Variants in PEX5L observed in about 807,000 individuals in gnomAD.
PEX5L encodes the protein PEX5-related protein.
A neutral mutation model predicts 84.0 loss-of-function variants in PEX5L; 30 were observed. The observed-to-expected ratio is 0.36, with a 90% CI of 0.27 to 0.48. PEX5L has a LOEUF of 0.48. Ranked by LOEUF, PEX5L falls within the 20% of genes least tolerant of loss-of-function variation. The probability of loss-of-function intolerance (pLI) is 0.99; values close to 1 mark genes in which losing one functional copy is unlikely to be tolerated. For missense variants in PEX5L, 533 were observed against 754.6 expected, an observed-to-expected ratio of 0.71 and a Z score of 3.44; for synonymous variants, 270 against 283.1, an observed-to-expected ratio of 0.95 and a Z score of 0.46.
At chr3:180,020,609 T>C (rs1012112229) in intron 1 of PEX5L, among the ~76,000 whole-genome samples, 1 of 152,168 alleles carries the variant, frequency 6.6e-6, no homozygotes, top group Admixed American at 6.6e-5. Context: ...CCAAGTCATA[T>C]ACAAGTTAGA....
chr3:180,036,270 C>G (rs1012899556), intron 1 of PEX5L, among the ~76,000 whole-genome samples: 1 of 152,156 alleles, frequency 6.6e-6, no homozygotes, highest in Non-Finnish European at 1.5e-5. Context: ...AGGATTACAA[C>G]GGAAACACGG....
At chr3:179,998,335 T>G (rs1213910565) in intron 1 of PEX5L, among the ~76,000 whole-genome samples, 1 of 151,958 alleles carries the variant, frequency 6.6e-6, no homozygotes, top group African/African-American at 2.4e-5. Context: ...CAGTTTGGAG[T>G]GGGGTCCAGA....
chr3:180,021,922 T>G (rs1790460607), intron 1 of PEX5L, among the ~76,000 whole-genome samples: 1 of 152,198 alleles, frequency 6.6e-6, no homozygotes. Flanking sequence ...ATAACAATTT[T>G]GGACAAATGA....
intron 8 of PEX5L, among the ~76,000 whole-genome samples, chr3:179,849,674 G>T (rs1169443222): frequency 3.9e-5 from 6 of 152,168 alleles, no homozygotes; most frequent in East Asian, 1.9e-4. Context: ...AAAAGTTATT[G>T]TCCTGGACAT....
intron 1 of PEX5L, among the ~76,000 whole-genome samples, chr3:179,975,958 C>A (rs1358563675): frequency 1.3e-5 from 2 of 152,186 alleles, no homozygotes; most frequent in Non-Finnish European, 2.9e-5. Context: ...GATCCAGTCA[C>A]CCATTTGGAT....
At chr3:179,826,631 G>A (rs1487456412) in intron 8 of PEX5L, among the ~76,000 whole-genome samples, 4 of 152,102 alleles carry the variant, frequency 2.6e-5, no homozygotes, top group Admixed American at 2.6e-4. Context: ...AGAGGGTCTT[G>A]GGGTTTGAAT....
At chr3:179,820,306 G>A (rs1330801721) in intron 8 of PEX5L, 1 of 258,104 alleles carries the variant, frequency 3.9e-6, no homozygotes, top group Non-Finnish European at 7.4e-6. Flanking sequence ...GTCTCTCCCA[G>A]AATTGCTCCT....
At chr3:179,850,562 A>G (rs1217211715) in intron 8 of PEX5L, among the ~76,000 whole-genome samples, 1 of 152,218 alleles carries the variant, frequency 6.6e-6, no homozygotes, top group African/African-American at 2.4e-5. Context: ...AAATCTAATC[A>G]ATGTGAGAGC....
At chr3:180,019,703 G>T (rs961530159) in intron 1 of PEX5L, among the ~76,000 whole-genome samples, 1 of 152,134 alleles carries the variant, frequency 6.6e-6, no homozygotes, top group African/African-American at 2.4e-5. Context: ...AAAGGAAACA[G>T]AAATACTTCC....
intron 1 of PEX5L, among the ~76,000 whole-genome samples, chr3:180,034,541 G>A (rs1851353): frequency 0.38 from 57,341 of 151,512 alleles, 13,554 homozygotes; most frequent in African/African-American, 0.68. Context: ...AGTATATTAT[G>A]AATCAATCTG....
chr3:180,011,935 CACTG>C (rs1264646076), intron 1 of PEX5L, among the ~76,000 whole-genome samples: 2 of 152,230 alleles, frequency 1.3e-5, no homozygotes, highest in Non-Finnish European at 2.9e-5. Flanking sequence ...AGCTTCTTAG[CACTG>C]ACTATCTGAG....
In PEX5L at chr3:179,801,841, T is replaced by C; in HGVS notation, c.1868A>G (p.Asn623Ser). ...ATTATTCTTTCTTCAAGGATCCAAGTTGAAAGCTCTTAAGAGGACATCCAG... is the reference window on the plus strand; with the variant it reads ...ATTATTCTTTCTTCAAGGATCCAAGCTGAAAGCTCTTAAGAGGACATCCAG... ...GDLDVLLRAF[N>S]LDP The change falls in exon 15 of 15, where the codon AAC becomes AGC. Residue 623 changes from asparagine to serine, a missense_variant. Asn to Ser is a conservative substitution (Grantham distance 46). This residue lies in a region of PEX5L where 105 missense variants were observed against 204.6 expected (regional missense o/e 0.51). Transcript: ENST00000467460. 1.2e-6 allele frequency: 2 copies of C among 1,608,660 alleles called. No homozygotes were observed. Among genetic ancestry groups the C allele is most frequent in the Non-Finnish European group, 1.7e-6 (2 of 1,174,944 alleles).
At chr3:179,951,206 C>T (rs1267997191) in intron 2 of PEX5L, among the ~76,000 whole-genome samples, 1 of 152,152 alleles carries the variant, frequency 6.6e-6, no homozygotes, top group Non-Finnish European at 1.5e-5. Flanking sequence ...TGCTTATTTT[C>T]CTTGGTCACT....
intron 2 of PEX5L, among the ~76,000 whole-genome samples, chr3:179,946,430 C>G (rs530366367): frequency 3.4e-4 from 52 of 152,244 alleles, no homozygotes; most frequent in African/African-American, 1.2e-3. Flanking sequence ...TATCTCCCAA[C>G]TGAAATTCCT....
At chr3:179,862,533 T>C (rs184498541) in intron 7 of PEX5L, among the ~76,000 whole-genome samples, 37 of 152,338 alleles carry the variant, frequency 2.4e-4, no homozygotes, top group Admixed American at 2.4e-3. Context: ...TTGGCATTTA[T>C]TTCCCAACTG....
At chr3:179,867,562 C>T (rs1748774443) in intron 7 of PEX5L, among the ~76,000 whole-genome samples, 1 of 152,076 alleles carries the variant, frequency 6.6e-6, no homozygotes, top group Admixed American at 6.6e-5. Flanking sequence ...GTTGAAGTGG[C>T]TCCTGTACTG....
chr3:179,993,160 C>T (rs1378631413), intron 1 of PEX5L, among the ~76,000 whole-genome samples: 1 of 152,126 alleles, frequency 6.6e-6, no homozygotes, highest in African/African-American at 2.4e-5. Flanking sequence ...GGTGTATGCT[C>T]TTCCAGAGTT....
chr3:180,008,736 T>G (rs6798562), intron 1 of PEX5L, among the ~76,000 whole-genome samples: 11,896 of 152,152 alleles, frequency 0.078, 746 homozygotes, highest in African/African-American at 0.17. Context: ...CCATCAGATC[T>G]CATGAGACTT....
chr3:179,824,798 C>A (rs1261700205), intron 8 of PEX5L, among the ~76,000 whole-genome samples: 1 of 149,114 alleles, frequency 6.7e-6, no homozygotes, highest in Non-Finnish European at 1.5e-5. Context: ...TTTGCCCCAA[C>A]AAACAATTTT....
Sources: gnomAD v4.1 joint callset for allele counts (sites outside exome capture counted in the v4.1 genomes callset) on GRCh38, gnomAD v4.1.1 for gene constraint, gnomAD v4.1.1 regional missense constraint, MANE v1.5 for transcripts, NCBI Gene and HGNC (gene_info 2026-07-23, HGNC 2026-07-21) for gene names.